DPEP1: variants seen among roughly 807,000 people sequenced by gnomAD.
DPEP1 encodes the protein beta-lactamase.
A neutral mutation model predicts 42.3 loss-of-function variants in DPEP1; 50 were observed. The ratio of observed to expected loss-of-function variants is 1.18; its 90% CI spans 0.94 to 1.50. The LOEUF is 1.50. Ranked by LOEUF, DPEP1 falls within the 40% of genes most tolerant of loss-of-function variation. The probability of loss-of-function intolerance (pLI) is 0.00; values close to 1 mark genes in which losing one functional copy is unlikely to be tolerated. For missense variants in DPEP1, 663 were observed against 553.0 expected, an observed-to-expected ratio of 1.20 and a Z score of -1.99; for synonymous variants, 297 against 234.0, an observed-to-expected ratio of 1.27 and a Z score of -2.46.
chr16:89,622,664 G>A (rs539621151), intron 1 of DPEP1, among the ~76,000 whole-genome samples: 3 of 151,674 alleles, frequency 2.0e-5, no homozygotes, highest in East Asian at 3.9e-4. Context: ...GGCACCTGTA[G>A]TCCCAGCTAC....
rs983906361 is a variant in DPEP1, at chr16:89,636,316, G to A, written c.290G>A (p.Arg97Lys). Residue 97 changes from arginine to lysine, a missense_variant, in exon 4 of 11, where the codon AGG becomes AAG. Transcript: ENST00000690203. The stretch of plus-strand genomic sequence containing the variant: ...ACCCAGAACAAAGACGCCGTGCGGA[G>A]GACGCTGGAGCAGATGGACGTGGTC... ...CDTQNKDAVRRTLEQMDVVHR... is the reference protein window; with the variant it reads ...CDTQNKDAVRKTLEQMDVVHR... The A allele has an allele frequency of 1.2e-6, 2 of 1,612,282 alleles. No individual in the cohort carries two copies. The highest frequency in any genetic ancestry group is 2.7e-5 in the African/African-American group (2 of 74,898).
intron 2 of DPEP1, among the ~76,000 whole-genome samples, chr16:89,634,085 CTTCTTCTT>C (rs1201159829): frequency 4.5e-4 from 44 of 97,050 alleles, no homozygotes; most frequent in African/African-American, 1.8e-3. Flanking sequence ...TTTCTCTTCT[CTTCTTCTT>C]TTTTTTTTTT....
At chr16:89,628,186 T>C (rs993524435) in intron 1 of DPEP1, among the ~76,000 whole-genome samples, 3 of 151,554 alleles carry the variant, frequency 2.0e-5, no homozygotes, top group African/African-American at 7.3e-5. Context: ...CCTCCCACAG[T>C]GCTGGGATTA....
intron 1 of DPEP1, among the ~76,000 whole-genome samples, chr16:89,625,894 G>T (rs536306702): frequency 6.6e-6 from 1 of 152,286 alleles, no homozygotes; most frequent in Admixed American, 6.5e-5. Context: ...TTGAACAGTG[G>T]TCGTGAGAGG....
rs2059351918 is a variant in DPEP1, at chr16:89,613,684, C to G, written c.-142C>G. On this transcript the variant is annotated 5_prime_UTR_variant, in exon 1 of 11. Coordinates refer to ENST00000690203, the MANE Select transcript of DPEP1 (RefSeq NM_001389466.1). The stretch of plus-strand genomic sequence containing the variant: ...GGCGTGGGAGCTGCCTAGGCCGGGC[C>G]CTGCCAGGGAGCAAGTCTGCATCGC... The G allele has an allele frequency of 1.3e-5, 2 of 152,706 alleles. No homozygotes were observed. Among genetic ancestry groups the G allele is most frequent in the South Asian group, 4.1e-4 (2 of 4,882 alleles). The allele number at this position is 152,706 out of a possible 1,614,324, so 9.5% of individuals were successfully genotyped here.
At chr16:89,625,248 A>G (rs1481643187) in intron 1 of DPEP1, among the ~76,000 whole-genome samples, 4 of 151,986 alleles carry the variant, frequency 2.6e-5, no homozygotes, top group Admixed American at 1.3e-4. Flanking sequence ...TCCTTGATTC[A>G]GCACGAATTG....
intron 1 of DPEP1, among the ~76,000 whole-genome samples, chr16:89,626,726 C>T (rs971313553): frequency 7.9e-5 from 12 of 151,972 alleles, no homozygotes; most frequent in African/African-American, 2.9e-4. Context: ...TTAAGACATG[C>T]CTTGCCTCCC....
intron 2 of DPEP1, among the ~76,000 whole-genome samples, chr16:89,631,408 T>C (rs1252703529): frequency 6.6e-6 from 1 of 152,170 alleles, no homozygotes; most frequent in Non-Finnish European, 1.5e-5. Context: ...CAGACTCAGA[T>C]CAGGGTCCAC....
At chr16:89,629,813 C>T (rs1285911361) in intron 1 of DPEP1, among the ~76,000 whole-genome samples, 1 of 152,172 alleles carries the variant, frequency 6.6e-6, no homozygotes, top group Non-Finnish European at 1.5e-5. Context: ...GGGGTGCGGA[C>T]CCCTCAGCAA....
chr16:89,640,056 G>T (rs1268183485), downstream of DPEP1, among the ~76,000 whole-genome samples: 4 of 152,220 alleles, frequency 2.6e-5, no homozygotes, highest in African/African-American at 9.6e-5. Flanking sequence ...AGCAGAACCA[G>T]GCCGACCACA....
rs373692597 is a variant in DPEP1, at chr16:89,637,907, C to T, written c.1001C>T (p.Thr334Met). 1.5e-5 allele frequency: 24 copies of T among 1,612,078 alleles called. No individual in the cohort carries two copies. The highest frequency in any genetic ancestry group is 1.6e-4 in the Middle Eastern group (1 of 6,080). Reference protein sequence around the residue: ...LIAELLRRNWTEAEVKGALAD... With the variant: ...LIAELLRRNWMEAEVKGALAD... Reference sequence around the variant, plus strand: ...GCTGAGCTGCTCAGGAGGAACTGGACGGAGGCGGAGGTCAAGGGCGCACTG... The same window carrying T: ...GCTGAGCTGCTCAGGAGGAACTGGATGGAGGCGGAGGTCAAGGGCGCACTG... Residue 334 changes from threonine (T) to methionine (M), a missense_variant, in exon 10 of 11, where the codon ACG becomes ATG. Thr to Met is a moderately conservative substitution (Grantham distance 81, BLOSUM62 -1). Coordinates refer to ENST00000690203, the MANE Select transcript of DPEP1 (RefSeq NM_001389466.1).
chr16:89,626,138 G>T (rs2059508382), intron 1 of DPEP1, among the ~76,000 whole-genome samples: 1 of 152,164 alleles, frequency 6.6e-6, no homozygotes, highest in Non-Finnish European at 1.5e-5. Context: ...GAATAAGGGT[G>T]CCGCATTTTC....
chr16:89,630,071 G>C (rs2059564255), intron 1 of DPEP1, among the ~76,000 whole-genome samples: 1 of 152,136 alleles, frequency 6.6e-6, no homozygotes, highest in East Asian at 1.9e-4. Flanking sequence ...CCTGCTCTCA[G>C]CCTGCTGTCC....
At chr16:89,637,165 CT>C in intron 6 of DPEP1, 38 bp from the exon 7 acceptor site, 1 of 1,600,106 alleles carries the variant, frequency 6.2e-7, no homozygotes, top group East Asian at 2.2e-5. Flanking sequence ...AGCCCCGACC[CT>C]GGGGGCTGTG....
At chr16:89,634,088 C>CTTTT (rs1597766739) in intron 2 of DPEP1, among the ~76,000 whole-genome samples, 2 of 82,002 alleles carry the variant, frequency 2.4e-5, no homozygotes, top group African/African-American at 6.4e-5. Context: ...CTCTTCTCTT[C>CTTTT]TTCTTTTTTT....
intron 1 of DPEP1, among the ~76,000 whole-genome samples, chr16:89,627,866 G>A (rs542439811): frequency 6.6e-6 from 1 of 151,638 alleles, no homozygotes; most frequent in East Asian, 2.0e-4. Flanking sequence ...CACCATGTTG[G>A]TCAGGCTGGT....
chr16:89,625,548 G>C (rs959068021), intron 1 of DPEP1, among the ~76,000 whole-genome samples: 1 of 152,220 alleles, frequency 6.6e-6, no homozygotes, highest in African/African-American at 2.4e-5. Flanking sequence ...CAGGCATTAA[G>C]TGAGCACTGA....
chr16:89,634,779 CT>C (rs146837510), intron 2 of DPEP1, among the ~76,000 whole-genome samples: 27 of 44,974 alleles, frequency 6.0e-4, no homozygotes, highest in East Asian at 7.7e-4. Context: ...TCCCTTCCTT[CT>C]CCTTTCCCTT....
Position 89,630,492 on chromosome 16 carries a change from A to C in DPEP1, c.82A>C (p.Arg28=), listed in dbSNP as rs143733669. The C allele has an allele frequency of 6.3e-7, 1 of 1,591,546 alleles. No individual in the cohort carries two copies. Among genetic ancestry groups the C allele is most frequent in the Admixed American group, 1.7e-5 (1 of 57,514 alleles). Residue 28 remains arginine (R), a synonymous_variant, in exon 2 of 11, where the codon AGG becomes CGG. Transcript: ENST00000690203. The part of the protein sequence containing the change: ...FFRDEAERIM[R]DSPVIDGHND... Reference sequence around the variant, plus strand: ...TCGGGACGAGGCAGAGAGGATCATGAGGGACTCCCCTGTCATTGATGGGTG... The same window carrying C: ...TCGGGACGAGGCAGAGAGGATCATGCGGGACTCCCCTGTCATTGATGGGTG...
Sources: allele counts gnomAD v4.1 joint callset (sites outside exome capture counted in the v4.1 genomes callset), GRCh38; gene constraint gnomAD v4.1.1; transcripts MANE v1.5; gene names NCBI Gene and HGNC (gene_info 2026-07-23, HGNC 2026-07-21).